Variants in DPP6 observed in about 807,000 individuals in gnomAD.
DPP6 encodes dipeptidyl peptidase like 6, also known as A-type potassium channel modulatory protein DPP6.
Under a neutral mutation model 122.6 loss-of-function variants are expected in DPP6, and 69 were observed. That is an observed-to-expected ratio of 0.56 (90% CI 0.46 to 0.69). DPP6 has a LOEUF of 0.69. Ranked by LOEUF, DPP6 falls within the 30% of genes least tolerant of loss-of-function variation. The pLI is 0.00. For missense variants in DPP6, 928 were observed against 1,116.9 expected (o/e 0.83, Z 2.41); for synonymous variants, 418 against 433.1 (o/e 0.97, Z 0.43).
intron 10 of DPP6, among the ~76,000 whole-genome samples, chr7:154,790,809 A>AGGAG (rs372646872): frequency 0.058 from 6,381 of 109,512 alleles, 527 homozygotes; most frequent in African/African-American, 0.19. Context: ...AAGGGAGGAA[A>AGGAG]GGAGGGAGGG....
intron 8 of DPP6, among the ~76,000 whole-genome samples, chr7:154,731,772 A>T (rs1438621461): frequency 6.6e-6 from 1 of 152,232 alleles, no homozygotes; most frequent in African/African-American, 2.4e-5. Flanking sequence ...ACAACTTTTT[A>T]AAGTTTATTA....
chr7:154,748,458 G>C (rs1187854507), intron 8 of DPP6, among the ~76,000 whole-genome samples: 2 of 152,334 alleles, frequency 1.3e-5, no homozygotes, highest in South Asian at 4.1e-4. Context: ...TGGTGAGCTA[G>C]AGCCAGAGCG....
chr7:153,748,974 A>G, the DPP6 span, among the ~76,000 whole-genome samples: 1 of 152,124 alleles, frequency 6.6e-6, no homozygotes, highest in South Asian at 2.1e-4. Context: ...GGAGTCTCCA[A>G]TAGCGTCAGG....
chr7:154,892,767 A>G lies in DPP6; in HGVS notation c.*287A>G, dbSNP rs1241166412. On this transcript the variant is annotated 3_prime_UTR_variant, in exon 26 of 26. Coordinates refer to ENST00000377770, the MANE Select transcript of DPP6 (RefSeq NM_130797.4). ...CCACGGCCCCTCCCCCAAGGAACAG[A>G]GCAAAGGATGGTGGCCGCAGGCCCC... 2 of 647,168 alleles carry G rather than the reference A, an allele frequency of 3.1e-6. No individual in the cohort carries two copies. Among genetic ancestry groups the G allele is most frequent in the Non-Finnish European group, 5.7e-6 (2 of 349,416 alleles). The allele number at this position is 647,168 out of a possible 1,614,324, so 40.1% of individuals were successfully genotyped here.
intron 3 of DPP6, among the ~76,000 whole-genome samples, chr7:154,491,687 A>C (rs1824293255): frequency 6.6e-6 from 1 of 152,234 alleles, no homozygotes; most frequent in Admixed American, 6.5e-5. Context: ...AAGATAAATA[A>C]GATGGCCCAG....
intron 1 of DPP6, among the ~76,000 whole-genome samples, chr7:154,236,979 C>G (rs753631544): frequency 5.9e-5 from 9 of 152,212 alleles, no homozygotes; most frequent in African/African-American, 1.4e-4. Context: ...TTACTCACCC[C>G]CTGTGTCTCA....
chr7:154,627,085 T>C (rs1427566180), intron 5 of DPP6, among the ~76,000 whole-genome samples: 1 of 132,146 alleles, frequency 7.6e-6, no homozygotes, highest in Non-Finnish European at 1.6e-5. Flanking sequence ...CAATCTTGGC[T>C]CACTGCAAGC....
chr7:154,746,438 T>C (rs1843039555), intron 8 of DPP6, among the ~76,000 whole-genome samples: 1 of 152,162 alleles, frequency 6.6e-6, no homozygotes, highest in Non-Finnish European at 1.5e-5. Flanking sequence ...GACAAAGTCC[T>C]TCCATCGTGA....
intron 1 of DPP6, among the ~76,000 whole-genome samples, chr7:154,420,060 G>T (rs73497208): frequency 8.5e-5 from 13 of 152,162 alleles, no homozygotes; most frequent in African/African-American, 2.4e-4. Context: ...GGAGAAGGCC[G>T]GCACGGTGGC....
chr7:153,783,490 G>C, the DPP6 span, among the ~76,000 whole-genome samples: 6 of 152,270 alleles, frequency 3.9e-5, no homozygotes, highest in African/African-American at 9.6e-5. Context: ...ACAACTCAAC[G>C]TGAGATTTGG....
chr7:154,337,736 A>C (rs1373057796), intron 1 of DPP6, among the ~76,000 whole-genome samples: 1 of 152,218 alleles, frequency 6.6e-6, no homozygotes, highest in African/African-American at 2.4e-5. Flanking sequence ...GGAGGAAGTC[A>C]CCTCTTTTAG....
At chr7:153,962,543 T>A (rs10282587) in intron 1 of DPP6, among the ~76,000 whole-genome samples, 4,903 of 152,302 alleles carry the variant, frequency 0.032, 266 homozygotes, top group African/African-American at 0.11. Flanking sequence ...CCCACCATCA[T>A]GCCGTACAGT....
intron 1 of DPP6, among the ~76,000 whole-genome samples, chr7:153,972,093 C>A (rs961837122): frequency 4.0e-5 from 6 of 151,106 alleles, no homozygotes; most frequent in Non-Finnish European, 7.4e-5. Context: ...CCCTGTTATT[C>A]CTTTATGCTG....
At chr7:154,444,878 G>C (rs528440974) in intron 1 of DPP6, among the ~76,000 whole-genome samples, 1 of 152,150 alleles carries the variant, frequency 6.6e-6, no homozygotes, top group Non-Finnish European at 1.5e-5. Context: ...TGTTGCTCAC[G>C]GATAGTCTTA....
chr7:154,367,267 A>G (rs1471005577), intron 1 of DPP6, among the ~76,000 whole-genome samples: 3 of 152,370 alleles, frequency 2.0e-5, no homozygotes, highest in African/African-American at 7.2e-5. Flanking sequence ...CTTGCCAGCC[A>G]TAGGAGACAT....
chr7:154,887,632 G>A (rs1404036853), intron 22 of DPP6, 44 bp from the exon 23 acceptor site: 1 of 1,608,232 alleles, frequency 6.2e-7, no homozygotes. Flanking sequence ...CGCTCACAGG[G>A]CCTCGAAGCC....
chr7:153,842,908 C>T, the DPP6 span, among the ~76,000 whole-genome samples: 1 of 152,174 alleles, frequency 6.6e-6, no homozygotes, highest in Non-Finnish European at 1.5e-5. Flanking sequence ...GTTTGAGTAT[C>T]TCCAAGATTT....
chr7:154,791,650 A>G (rs1222406463), intron 10 of DPP6, among the ~76,000 whole-genome samples: 1 of 152,260 alleles, frequency 6.6e-6, no homozygotes, highest in Non-Finnish European at 1.5e-5. Context: ...GGCTACTTCT[A>G]GAAAATAACA....
intron 1 of DPP6, among the ~76,000 whole-genome samples, chr7:153,910,294 A>G (rs1224382051): frequency 2.0e-5 from 3 of 147,766 alleles, no homozygotes; most frequent in Admixed American, 1.4e-4. Context: ...CAGTGGTGCA[A>G]TCTCGGCTCA....
Sources: gnomAD v4.1 joint callset for allele counts (sites outside exome capture counted in the v4.1 genomes callset) on GRCh38, gnomAD v4.1.1 for gene constraint, MANE v1.5 for transcripts, NCBI Gene and HGNC (gene_info 2026-07-23, HGNC 2026-07-21) for gene names.